Variants in COL6A6 observed in about 807,000 individuals in gnomAD.
COL6A6 encodes collagen alpha-6(VI) chain.
In COL6A6, 183 loss-of-function variants were observed where a neutral mutation model predicts 208.6. The observed-to-expected ratio is 0.88, with a 90% CI of 0.78 to 0.99. The LOEUF (loss-of-function observed/expected upper bound fraction) is 0.99, where lower values mean the gene tolerates loss of function less well. Among genes scored for constraint, COL6A6 ranks in the 50% least tolerant of loss-of-function variants. COL6A6 has a pLI of 0.00. For synonymous variants in COL6A6, 973 were observed against 1,011.8 expected, an observed-to-expected ratio of 0.96 and a Z score of 0.73; for missense variants, 2,816 against 2,815.2, an observed-to-expected ratio of 1.00 and a Z score of -0.01.
chr3:130,617,306 A>G (rs1458903142), intron 23 of COL6A6, among the ~76,000 whole-genome samples: 1 of 152,194 alleles, frequency 6.6e-6, no homozygotes, highest in Non-Finnish European at 1.5e-5. Context: ...CAAACAATTG[A>G]CATGTGACCT....
Position 130,675,280 on chromosome 3 carries a change from T to C in COL6A6, c.6675T>C (p.Tyr2225=). Residue 2225 remains tyrosine, a synonymous_variant, in exon 37 of 37, where the codon TAT becomes TAC. Coordinates refer to ENST00000358511, the MANE Select transcript of COL6A6 (RefSeq NM_001102608.3). ...CAAAATTCTTTCAAGATAAAAAATA[T>C]CTTTCAAGAGTAGCAAGAAGTGGCA... ...QKAKFFQDKK[Y]LSRVARSGRD... 6.3e-7 allele frequency: 1 copy of C among 1,586,736 alleles called. No homozygotes were observed. The highest frequency in any genetic ancestry group is 8.6e-7 in the Non-Finnish European group (1 of 1,165,262).
chr3:130,568,467 T>C lies in COL6A6; in HGVS notation c.2264T>C (p.Val755Ala), dbSNP rs1447351802. The C allele has an allele frequency of 6.2e-7, 1 of 1,613,868 alleles. No individual in the cohort carries two copies. Among genetic ancestry groups the C allele is most frequent in the African/African-American group, 1.3e-5 (1 of 75,004 alleles). ...LRQEGVIIYS[V>A]GVFGSNVTQL... ...CAAGAAGGTGTAATCATCTATTCTG[T>C]GGGAGTGTTTGGCTCCAATGTCACC... Residue 755 changes from valine (V) to alanine (A), a missense_variant, in exon 6 of 37, where the codon GTG (valine) becomes GCG (alanine). Transcript: ENST00000358511.
At position 130,574,475 on chromosome 3, in the gene COL6A6, A is replaced by C. The variant is rs2063248138; in HGVS notation, c.3497A>C (p.Lys1166Thr). The C allele has an allele frequency of 2.5e-6, 4 of 1,613,934 alleles. No homozygotes were observed. The highest frequency in any genetic ancestry group is 3.4e-6 in the Non-Finnish European group (4 of 1,179,906). The change falls in exon 8 of 37, where the codon AAG becomes ACG. Residue 1166 changes from lysine (K) to threonine (T), a missense_variant. Lys to Thr is a moderately conservative substitution (Grantham distance 78). Transcript: ENST00000358511. ...GTGCACAACTTCGATGAACTGAAGA[A>C]GGTCAATAAAAGGATCGTTCGCAAC... ...LTVHNFDELK[K>T]VNKRIVRNIC...
chr3:130,595,120 C>CT (rs2063817205), intron 18 of COL6A6, among the ~76,000 whole-genome samples: 1 of 151,902 alleles, frequency 6.6e-6, no homozygotes, highest in Non-Finnish European at 1.5e-5. Flanking sequence ...TTAGGCAAAA[C>CT]TTATGACATA....
intron 1 of COL6A6, among the ~76,000 whole-genome samples, chr3:130,533,301 C>T (rs1330242745): frequency 6.6e-6 from 1 of 150,696 alleles, no homozygotes; most frequent in Non-Finnish European, 1.5e-5. Flanking sequence ...ACAGGTGCTC[C>T]ACCTAATTTA....
In COL6A6 at chr3:130,536,019, A is replaced by G. The variant is rs538110264; in HGVS notation, c.-32+18622A>G. Among the ~76,000 whole-genome samples the G allele has an allele frequency of 2.6e-5, 4 of 152,338 alleles. No homozygotes were observed. The East Asian group carries it at 7.7e-4, about 29-fold the overall frequency. ...ATACTAAATGGTAGCTGATACATAT[A>G]TAGAGTTTGATATCCTTATTCTAGC... On this transcript the variant is annotated intron_variant, in intron 1 of 36. Transcript: ENST00000358511.
intron 26 of COL6A6, among the ~76,000 whole-genome samples, chr3:130,634,242 TAAAAAAAAAA>T (rs202193097): frequency 4.2e-5 from 1 of 23,808 alleles, no homozygotes; most frequent in Non-Finnish European, 5.9e-5. Flanking sequence ...AATAAATAAA[TAAAAAAAAAA>T]AAAAAAAAAA....
intron 8 of COL6A6, among the ~76,000 whole-genome samples, chr3:130,578,583 C>T (rs566075005): frequency 1.3e-5 from 2 of 152,212 alleles, no homozygotes; most frequent in African/African-American, 2.4e-5. Flanking sequence ...ATAAAACCAC[C>T]GTGTATACCA....
chr3:130,566,605 G>A (rs528330159), intron 4 of COL6A6, 97 bp from the exon 5 acceptor site: 3 of 1,000,244 alleles, frequency 3.0e-6, no homozygotes, highest in East Asian at 5.3e-5. Flanking sequence ...CCATTTTTCT[G>A]TCTGAAGAGG....
intron 32 of COL6A6, among the ~76,000 whole-genome samples, chr3:130,647,834 C>T (rs368775954): frequency 2.6e-5 from 4 of 152,242 alleles, no homozygotes; most frequent in African/African-American, 9.6e-5. Flanking sequence ...AAGAGAAACA[C>T]ATCACTGGGG....
intron 1 of COL6A6, among the ~76,000 whole-genome samples, chr3:130,559,581 CAATT>C (rs2062836083): frequency 6.6e-6 from 1 of 152,118 alleles, no homozygotes; most frequent in Non-Finnish European, 1.5e-5. Context: ...ATTTTTTGTT[CAATT>C]AATAAATGAG....
chr3:130,590,276 T>C (rs1473085047), intron 12 of COL6A6, among the ~76,000 whole-genome samples: 97 of 20,496 alleles, frequency 4.7e-3, no homozygotes, highest in Non-Finnish European at 8.7e-3. Flanking sequence ...TATATATATA[T>C]ATATATATAT....
chr3:130,621,863 T>A lies in COL6A6; in HGVS notation c.4858T>A (p.Leu1620Met), dbSNP rs148526586. Residue 1620 changes from leucine to methionine, a missense_variant, in exon 24 of 37, where the codon TTG becomes ATG. By Grantham distance (15) the Leu-to-Met change is conservative. Coordinates refer to ENST00000358511, the MANE Select transcript of COL6A6 (RefSeq NM_001102608.3). The stretch of plus-strand genomic sequence containing the variant: ...AGGAGAGGCAGGGAATCAAGGCCGT[T>A]TGGGAAGCCAAGGAAATAAAGTAGG... ...PGGEAGNQGR[L>M]GSQGNKGEPG... 9 of 1,613,672 alleles carry A rather than the reference T, an allele frequency of 5.6e-6. No homozygotes were observed. The Admixed American group carries it at 1.5e-4, about 27-fold the overall frequency.
chr3:130,634,671 TG>T, intron 27 of COL6A6, 46 bp downstream of exon 27: 1 of 1,443,544 alleles, frequency 6.9e-7, no homozygotes, highest in East Asian at 2.3e-5. Flanking sequence ...GAAATACTCC[TG>T]GGGTTTATGA....
chr3:130,539,334 T>C (rs930775100), intron 1 of COL6A6, among the ~76,000 whole-genome samples: 6 of 152,206 alleles, frequency 3.9e-5, no homozygotes, highest in East Asian at 1.9e-4. Flanking sequence ...TGGTTTTTCA[T>C]TGATGAAATT....
At chr3:130,636,313 A>G (rs766480939) in intron 28 of COL6A6, among the ~76,000 whole-genome samples, 7 of 152,350 alleles carry the variant, frequency 4.6e-5, no homozygotes, top group African/African-American at 1.7e-4. Context: ...GTCACTTGGA[A>G]TAAACACAGG....
intron 36 of COL6A6, among the ~76,000 whole-genome samples, chr3:130,672,139 G>T (rs2066233344): frequency 6.6e-6 from 1 of 152,220 alleles, no homozygotes; most frequent in Non-Finnish European, 1.5e-5. Context: ...ACTAATAGAT[G>T]TAGCATGGCT....
At chr3:130,597,252 A>T (rs2063878051) in intron 18 of COL6A6, among the ~76,000 whole-genome samples, 1 of 152,194 alleles carries the variant, frequency 6.6e-6, no homozygotes, top group South Asian at 2.1e-4. Flanking sequence ...AAATATTTAA[A>T]CTTAAGGAAG....
chr3:130,555,091 G>A (rs769250701), intron 1 of COL6A6, among the ~76,000 whole-genome samples: 23 of 152,142 alleles, frequency 1.5e-4, no homozygotes, highest in Admixed American at 5.9e-4. Context: ...GCTTTAGGGC[G>A]TGGGCATTCT....
Sources: gnomAD v4.1 joint callset for allele counts (sites outside exome capture counted in the v4.1 genomes callset) on GRCh38, gnomAD v4.1.1 for gene constraint, MANE v1.5 for transcripts, NCBI Gene and HGNC (gene_info 2026-07-23, HGNC 2026-07-21) for gene names.